MIR2052HG: variants seen among roughly 807,000 people sequenced by gnomAD.
MIR2052HG encodes MIR2052 host gene.
chr8:74,631,878 A>T (rs1808515848), intron 2 of MIR2052HG, among the ~76,000 whole-genome samples: 1 of 152,128 alleles, frequency 6.6e-6, no homozygotes, highest in African/African-American at 2.4e-5. Context: ...AAGGACAAAC[A>T]TGCTCCCTTC....
At chr8:74,669,023 A>G (rs924792021) in intron 2 of MIR2052HG, among the ~76,000 whole-genome samples, 2 of 152,206 alleles carry the variant, frequency 1.3e-5, no homozygotes, top group Admixed American at 6.5e-5. Flanking sequence ...GATGAACCCA[A>G]CTAGCTACAA....
intron 2 of MIR2052HG, among the ~76,000 whole-genome samples, chr8:74,644,613 G>A (rs543022121): frequency 7.9e-5 from 12 of 152,130 alleles, no homozygotes; most frequent in African/African-American, 2.9e-4. Context: ...ACTTGTCACC[G>A]GGCACAGTGG....
intron 2 of MIR2052HG, among the ~76,000 whole-genome samples, chr8:74,646,037 G>A (rs894870187): frequency 1.3e-5 from 2 of 152,072 alleles, no homozygotes; most frequent in African/African-American, 4.8e-5. Context: ...GCAAAGCTTT[G>A]TGCTAATCAC....
intron 4 of MIR2052HG, among the ~76,000 whole-genome samples, chr8:74,708,831 A>C (rs1488578806): frequency 6.6e-6 from 1 of 151,388 alleles, no homozygotes; most frequent in East Asian, 1.9e-4. Context: ...AAAATTAAAA[A>C]TTTAAATAAA....
intron 4 of MIR2052HG, among the ~76,000 whole-genome samples, chr8:74,707,962 C>A (rs967848521): frequency 1.3e-5 from 2 of 151,936 alleles, no homozygotes; most frequent in African/African-American, 4.8e-5. Context: ...AAAGAACTCT[C>A]CTTGGAAGAA....
intron 2 of MIR2052HG, among the ~76,000 whole-genome samples, chr8:74,651,104 G>A (rs117190494): frequency 0.014 from 2,084 of 148,918 alleles, 19 homozygotes; most frequent in Middle Eastern, 0.028. Context: ...TGTGATTGGA[G>A]TGAGTTAGTA....
At chr8:74,688,275 T>G (rs137884322) in intron 2 of MIR2052HG, among the ~76,000 whole-genome samples, 2 of 152,362 alleles carry the variant, frequency 1.3e-5, no homozygotes, top group East Asian at 3.9e-4. Flanking sequence ...TCCAAATATA[T>G]TACTTTTGTA....
intron 4 of MIR2052HG, among the ~76,000 whole-genome samples, chr8:74,733,248 C>A (rs928887572): frequency 2.6e-5 from 4 of 151,946 alleles, no homozygotes; most frequent in Non-Finnish European, 5.9e-5. Context: ...CACCCCACAA[C>A]AGGCCCCAGA....
intron 1 of MIR2052HG, among the ~76,000 whole-genome samples, chr8:74,604,496 G>T (rs1222299331): frequency 3.0e-5 from 4 of 131,852 alleles, no homozygotes; most frequent in African/African-American, 1.1e-4. Flanking sequence ...ACCCCGGGGC[G>T]GGTGGGGGTG....
intron 1 of MIR2052HG, among the ~76,000 whole-genome samples, chr8:74,601,040 G>A (rs996811471): frequency 5.3e-5 from 8 of 152,188 alleles, no homozygotes; most frequent in African/African-American, 1.9e-4. Context: ...CTTGTCATTT[G>A]ATTATAGTAC....
intron 4 of MIR2052HG, among the ~76,000 whole-genome samples, chr8:74,721,266 A>G (rs779132390): frequency 6.6e-6 from 1 of 152,194 alleles, no homozygotes; most frequent in Non-Finnish European, 1.5e-5. Flanking sequence ...ACTCTTTGTC[A>G]TATGACCACT....
intron 4 of MIR2052HG, among the ~76,000 whole-genome samples, chr8:74,743,610 G>A (rs1465359741): frequency 2.0e-5 from 3 of 152,136 alleles, no homozygotes; most frequent in South Asian, 2.1e-4. Context: ...ACAAACTTAC[G>A]ATTTATCTGG....
At chr8:74,694,500 AC>A (rs1809275828) in intron 2 of MIR2052HG, among the ~76,000 whole-genome samples, 1 of 152,202 alleles carries the variant, frequency 6.6e-6, no homozygotes, top group Non-Finnish European at 1.5e-5. Flanking sequence ...ATGGATCCAA[AC>A]CAAGAAGTAA....
At chr8:74,743,021 T>C (rs1809848082) in intron 4 of MIR2052HG, among the ~76,000 whole-genome samples, 1 of 151,666 alleles carries the variant, frequency 6.6e-6, no homozygotes, top group South Asian at 2.1e-4. Flanking sequence ...AGTTTCCCAC[T>C]AACTATAACT....
intron 2 of MIR2052HG, among the ~76,000 whole-genome samples, chr8:74,693,335 G>T (rs1411904478): frequency 1.3e-5 from 2 of 152,136 alleles, no homozygotes. Context: ...GGAGAGAGCT[G>T]CCAGTGGTTT....
At chr8:74,604,799 A>G (rs1352112616) in intron 1 of MIR2052HG, among the ~76,000 whole-genome samples, 8 of 151,670 alleles carry the variant, frequency 5.3e-5, no homozygotes, top group Non-Finnish European at 1.0e-4. Context: ...TCACCACATT[A>G]GTCAGGCTAG....
intron 2 of MIR2052HG, among the ~76,000 whole-genome samples, chr8:74,684,945 C>T (rs58935454): frequency 0.023 from 3,566 of 152,128 alleles, 141 homozygotes; most frequent in African/African-American, 0.081. Context: ...AGAGCTCAGA[C>T]TTTACAGCGA....
At chr8:74,614,706 A>G (rs1280889658) in intron 2 of MIR2052HG, among the ~76,000 whole-genome samples, 2 of 151,514 alleles carry the variant, frequency 1.3e-5, no homozygotes, top group Non-Finnish European at 2.9e-5. Context: ...CTTTCTTCTC[A>G]ATTTAAAAAA....
chr8:74,600,215 A>C (rs1299004307), intron 1 of MIR2052HG, among the ~76,000 whole-genome samples: 1 of 151,490 alleles, frequency 6.6e-6, no homozygotes, highest in Non-Finnish European at 1.5e-5. Flanking sequence ...GGAGCTGTAG[A>C]CTGGAGCTGT....
Sources: allele counts gnomAD v4.1 joint callset (sites outside exome capture counted in the v4.1 genomes callset), GRCh38; gene constraint gnomAD v4.1.1; transcripts MANE v1.5; gene names NCBI Gene and HGNC (gene_info 2026-07-23, HGNC 2026-07-21).